The following ESRRG variants were observed in gnomAD, a reference collection of about 807,000 sequenced individuals.
The protein encoded by ESRRG is estrogen-related receptor gamma.
ESRRG carries 13 observed loss-of-function variants against 44.0 expected under a neutral mutation model. That is an observed-to-expected ratio of 0.30 (90% CI 0.19 to 0.47). ESRRG has a LOEUF of 0.47. Among genes scored for constraint, ESRRG ranks in the 20% least tolerant of loss-of-function variants. ESRRG has a pLI of 1.00. For synonymous variants in ESRRG, 215 were observed against 214.6 expected (o/e 1.00, Z -0.02); for missense variants, 395 against 580.6 (o/e 0.68, Z 3.29).
intron 1 of ESRRG, chr1:216,707,498 AAAC>A: frequency 6.5e-7 from 1 of 1,527,492 alleles, no homozygotes; most frequent in East Asian, 2.5e-5. Context: ...TAAAAAGCCA[AAAC>A]CAGAAAGTTA....
chr1:216,659,307 C>T (rs2071630850), intron 2 of ESRRG, among the ~76,000 whole-genome samples: 1 of 152,144 alleles, frequency 6.6e-6, no homozygotes, highest in African/African-American at 2.4e-5. Flanking sequence ...AGATTTTGTC[C>T]TTGCAACACT....
Position 216,503,615 on chromosome 1 carries a change from T to C in ESRRG, c.*3324A>G, listed in dbSNP as rs1370519397. 1 of 152,570 alleles carries C rather than the reference T, an allele frequency of 6.6e-6. No homozygotes were observed. The highest frequency in any genetic ancestry group is 6.5e-5 in the Admixed American group (1 of 15,272). The allele number at this position is 152,570 out of a possible 1,614,324, so 9.5% of individuals were successfully genotyped here. On this transcript the variant is annotated 3_prime_UTR_variant, in exon 7 of 7. Coordinates refer to ENST00000408911, the MANE Select transcript of ESRRG (RefSeq NM_001438.4). ...CTTTGCACATAAGACTGCCATAAAATGTTTTCCTAGGCAGGTAAACAGAGA... is the reference window on the plus strand; with the variant it reads ...CTTTGCACATAAGACTGCCATAAAACGTTTTCCTAGGCAGGTAAACAGAGA...
chr1:216,938,059 G>A (rs2064461705), intron 2 of ESRRG, among the ~76,000 whole-genome samples: 2 of 152,042 alleles, frequency 1.3e-5, no homozygotes, highest in South Asian at 2.1e-4. Context: ...GTGGCTCGGT[G>A]CCCCTGCCTT....
chr1:216,571,699 T>G (rs1042010363), intron 3 of ESRRG, among the ~76,000 whole-genome samples: 1 of 152,154 alleles, frequency 6.6e-6, no homozygotes. Context: ...CATTCATTTA[T>G]CCTAGCTATA....
chr1:217,126,920 T>A (rs972836738), intron 1 of ESRRG, among the ~76,000 whole-genome samples: 6 of 152,222 alleles, frequency 3.9e-5, no homozygotes, highest in Admixed American at 3.9e-4. Context: ...TTTCCCAAAT[T>A]TGTGGCATAT....
Position 216,867,891 on chromosome 1 carries a change from C to T in ESRRG, c.-14+71691G>A, listed in dbSNP as rs1229099633. ...AACAATGCCCTGCCCTACAAAACTCCTACTAGCAATCCCTTTATAGGCCAA... is the reference window on the plus strand; with the variant it reads ...AACAATGCCCTGCCCTACAAAACTCTTACTAGCAATCCCTTTATAGGCCAA... On this transcript the variant is annotated intron_variant, in intron 2 of 7. Transcript: ENST00000359162. 1.3e-5 allele frequency among the ~76,000 whole-genome samples: 2 copies of T among 151,992 alleles called. 1 individual carries two copies. The highest frequency in any genetic ancestry group is 1.3e-4 in the Admixed American group (2 of 15,248).
At chr1:216,605,379 TAAAA>T (rs374667676) in intron 3 of ESRRG, among the ~76,000 whole-genome samples, 3,261 of 150,872 alleles carry the variant, frequency 0.022, 108 homozygotes, top group African/African-American at 0.075. Context: ...ATCATTCTAT[TAAAA>T]AAAAACAAAG....
intron 1 of ESRRG, among the ~76,000 whole-genome samples, chr1:217,001,361 G>A (rs185878189): frequency 3.3e-5 from 5 of 152,318 alleles, no homozygotes; most frequent in Non-Finnish European, 5.9e-5. Context: ...CTGAAAATGA[G>A]TCACGTGGAT....
chr1:217,057,116 G>C (rs1349537750), intron 1 of ESRRG, among the ~76,000 whole-genome samples: 1 of 152,184 alleles, frequency 6.6e-6, no homozygotes, highest in Non-Finnish European at 1.5e-5. Flanking sequence ...AGAAACTACT[G>C]AGAGTGGCTT....
At chr1:216,699,790 T>C (rs2081025861) in intron 1 of ESRRG, among the ~76,000 whole-genome samples, 2 of 152,146 alleles carry the variant, frequency 1.3e-5, no homozygotes, top group African/African-American at 2.4e-5. Flanking sequence ...GCTGAAAAAG[T>C]CAGGGAGAGG....
intron 1 of ESRRG, among the ~76,000 whole-genome samples, chr1:216,976,807 C>T (rs755474563): frequency 6.6e-6 from 1 of 152,034 alleles, no homozygotes; most frequent in African/African-American, 2.4e-5. Flanking sequence ...ATTACTCTTA[C>T]GGTTTTCATA....
intron 1 of ESRRG, among the ~76,000 whole-genome samples, chr1:216,957,997 C>T (rs1363143839): frequency 6.7e-6 from 1 of 150,162 alleles, no homozygotes; most frequent in African/African-American, 2.4e-5. Flanking sequence ...TTTAGTTTTG[C>T]TTGTTTCAGA....
chr1:216,772,694 T>C lies in ESRRG; in HGVS notation c.-13-95203A>G, dbSNP rs902968097. On this transcript the variant is annotated intron_variant, in intron 2 of 7. Transcript: ENST00000359162. ...GAAAACAATGGCATAGTGAGTTTTT[T>C]GTTTGTTTGTTTGTTTGTTTGTTTT... Among the ~76,000 whole-genome samples, 4 of 151,740 alleles carry C rather than the reference T, an allele frequency of 2.6e-5. 1 individual carries two copies. The highest frequency in any genetic ancestry group is 4.1e-4 in the South Asian group (2 of 4,820).
intron 1 of ESRRG, among the ~76,000 whole-genome samples, chr1:217,009,165 C>T (rs758311676): frequency 1.1e-4 from 16 of 152,148 alleles, no homozygotes; most frequent in Non-Finnish European, 2.4e-4. Context: ...CATCTAAATG[C>T]TACATGCTTG....
intron 3 of ESRRG, among the ~76,000 whole-genome samples, chr1:216,572,389 G>A (rs530414125): frequency 5.0e-4 from 76 of 152,120 alleles, no homozygotes; most frequent in African/African-American, 1.8e-3. Flanking sequence ...CAAACATGTG[G>A]ACAAAGCCTC....
intron 3 of ESRRG, among the ~76,000 whole-genome samples, chr1:216,589,046 T>C (rs1403619315): frequency 6.6e-6 from 1 of 152,024 alleles, no homozygotes; most frequent in African/African-American, 2.4e-5. Flanking sequence ...CTGACCAAAA[T>C]GGAAAAACTG....
At chr1:217,088,032 A>T (rs1430996530) in intron 1 of ESRRG, among the ~76,000 whole-genome samples, 1 of 150,838 alleles carries the variant, frequency 6.6e-6, no homozygotes, top group Non-Finnish European at 1.5e-5. Context: ...TTTTGACAAC[A>T]TCAAATCTGC....
At chr1:216,989,231 G>A (rs768122809) in intron 1 of ESRRG, among the ~76,000 whole-genome samples, 12 of 152,034 alleles carry the variant, frequency 7.9e-5, no homozygotes, top group Non-Finnish European at 1.5e-4. Flanking sequence ...TGGATTGTTT[G>A]AGCCCCAGAG....
Position 216,945,062 on chromosome 1 carries a change from TA to T in ESRRG, c.-105-5390del, listed in dbSNP as rs532868345. ...GCTCTTCATTAGATCAGTCAGCTTATAATTAATAGCTCCCCCTATCTTTAAT... is the reference window on the plus strand; with the variant it reads ...GCTCTTCATTAGATCAGTCAGCTTATATTAATAGCTCCCCCTATCTTTAAT... On this transcript the variant is annotated intron_variant, in intron 1 of 7. Transcript: ENST00000359162. Among the ~76,000 whole-genome samples the T allele has an allele frequency of 3.9e-5, 6 of 152,302 alleles. No individual in the cohort carries two copies. The South Asian group carries it at 1.2e-3, about 32-fold the overall frequency.
Sources: gnomAD v4.1 joint callset for allele counts (sites outside exome capture counted in the v4.1 genomes callset) on GRCh38, gnomAD v4.1.1 for gene constraint, MANE v1.5 for transcripts, NCBI Gene and HGNC (gene_info 2026-07-23, HGNC 2026-07-21) for gene names.